The following ZBTB17 variants were observed in gnomAD, a reference collection of about 807,000 sequenced individuals.
ZBTB17 encodes zinc finger and BTB domain containing 17.
In ZBTB17, 24 loss-of-function variants were observed where a neutral mutation model predicts 85.1. The observed-to-expected ratio is 0.28, with a 90% CI of 0.20 to 0.40. The LOEUF is 0.40. ZBTB17 is among the 10% of genes least tolerant of loss of function. ZBTB17 has a pLI of 1.00. For missense variants in ZBTB17, 743 were observed against 1,105.1 expected, an observed-to-expected ratio of 0.67 and a Z score of 4.65; for synonymous variants, 464 against 460.2, an observed-to-expected ratio of 1.01 and a Z score of -0.11.
At chr1:15,954,666 T>C (rs985362544) in intron 2 of ZBTB17, among the ~76,000 whole-genome samples, 1 of 151,190 alleles carries the variant, frequency 6.6e-6, no homozygotes, top group African/African-American at 2.4e-5. Context: ...CTAGGCAACA[T>C]GGTGAAACCC....
rs750361853 is a variant in ZBTB17, at chr1:15,964,577, C to CGTG, written c.-3+8459_-3+8461dup. On this transcript the variant is annotated intron_variant, in intron 2 of 15. Transcript: ENST00000375743. This position sits in a 1 kb window ranked among gnomAD's most constrained non-coding sequence, Gnocchi z 4.3. Reference sequence around the variant, plus strand: ...TACAAAAAAGACAAAAATAGCTGAGCGTGGTGGCGTGTGCCTCTAGTCTCA... The same window carrying CGTG: ...TACAAAAAAGACAAAAATAGCTGAGCGTGGTGGTGGCGTGTGCCTCTAGTCTCA... 2.7e-4 allele frequency among the ~76,000 whole-genome samples: 41 copies of CGTG among 151,912 alleles called. No individual in the cohort carries two copies. The highest frequency in any genetic ancestry group is 1.8e-3 in the Admixed American group (28 of 15,242).
At chr1:15,968,923 G>A (rs1455116510) in intron 2 of ZBTB17, among the ~76,000 whole-genome samples, 3 of 152,342 alleles carry the variant, frequency 2.0e-5, no homozygotes, top group African/African-American at 7.2e-5. Flanking sequence ...CACTATACCA[G>A]GGGTTCCCAA....
At chr1:15,954,666 T>A (rs985362544) in intron 2 of ZBTB17, among the ~76,000 whole-genome samples, 2 of 151,190 alleles carry the variant, frequency 1.3e-5, no homozygotes, top group Admixed American at 6.6e-5. Context: ...CTAGGCAACA[T>A]GGTGAAACCC....
chr1:15,975,179 TTAA>T, intron 1 of ZBTB17, among the ~76,000 whole-genome samples: 1 of 152,350 alleles, frequency 6.6e-6, no homozygotes, highest in Non-Finnish European at 1.5e-5. Context: ...GGTGATACAA[TTAA>T]TAACAGCAAC....
At chr1:15,944,060 G>T (rs1316273572) in intron 9 of ZBTB17, 165 bp from the exon 10 acceptor site, 3 of 967,108 alleles carry the variant, frequency 3.1e-6, no homozygotes, top group Admixed American at 2.0e-5. Flanking sequence ...GCGGTGAGAG[G>T]TAAGCCGCCC....
At chr1:15,958,012 G>C (rs1424511517) in intron 2 of ZBTB17, among the ~76,000 whole-genome samples, 1 of 152,132 alleles carries the variant, frequency 6.6e-6, no homozygotes, top group Non-Finnish European at 1.5e-5. Flanking sequence ...AGCAGGTATT[G>C]GATAAACAAG....
rs566021906 is a variant in ZBTB17 at position 15,943,299 on chromosome 1, G to C, written c.1697+100C>G. 5.3e-5 allele frequency: 85 copies of C among 1,595,684 alleles called. 1 individual carries two copies. In the East Asian group the frequency reaches 7.4e-4, roughly 14 times the overall value. On this transcript the variant is annotated intron_variant, in intron 12 of 15. Coordinates refer to ENST00000375743, the MANE Select transcript of ZBTB17 (RefSeq NM_003443.3). ...CCCTAGGACCAGAGCCTGGGGCGTG[G>C]GCAGCAGTCAGCTCAGTCCCCAGCC...
At chr1:15,969,609 G>T (rs535293102) in intron 2 of ZBTB17, 17 of 416,818 alleles carry the variant, frequency 4.1e-5, no homozygotes, top group Admixed American at 1.3e-4. Flanking sequence ...CTCGGAGGGT[G>T]GGGGGAGCAG....
At chr1:15,965,209 C>T (rs189350241) in intron 2 of ZBTB17, among the ~76,000 whole-genome samples, 123 of 150,258 alleles carry the variant, frequency 8.2e-4, no homozygotes, top group Middle Eastern at 3.4e-3. Flanking sequence ...GTAGTTATAA[C>T]ACATATAACT....
chr1:15,975,040 C>T (rs1391960359), intron 1 of ZBTB17, among the ~76,000 whole-genome samples: 2 of 152,216 alleles, frequency 1.3e-5, no homozygotes, highest in African/African-American at 4.8e-5. Flanking sequence ...CGGGATTCCC[C>T]CTAGGCTGAG....
Position 15,944,732 on chromosome 1 carries a change from G to T in ZBTB17, c.1035C>A (p.Asp345Glu). ...SCRECSKAFS[D>E]PAACKAHEKT... is the part of the protein sequence containing the mutation. ...TCTCATGGGCCTTGCACGCGGCCGG[G>T]TCGGAAAAGGCCTTGCTGCACTCCC... The change falls in exon 8 of 16, where the codon GAC (aspartate) becomes GAA (glutamate). Residue 345 changes from aspartate (D) to glutamate (E), a missense_variant. Asp to Glu is a conservative substitution (Grantham distance 45). Coordinates refer to ENST00000375743, the MANE Select transcript of ZBTB17 (RefSeq NM_003443.3). 1 of 1,611,722 alleles carries T rather than the reference G, an allele frequency of 6.2e-7. No individual in the cohort carries two copies.
intron 2 of ZBTB17, among the ~76,000 whole-genome samples, chr1:15,967,895 T>G (rs2072500456): frequency 6.6e-6 from 1 of 152,368 alleles, no homozygotes; most frequent in East Asian, 1.9e-4. Context: ...TACGCCTGGC[T>G]TAGGAGTTTG....
At chr1:15,972,218 G>GC (rs1239360140) in intron 2 of ZBTB17, among the ~76,000 whole-genome samples, 1 of 152,178 alleles carries the variant, frequency 6.6e-6, no homozygotes, top group Non-Finnish European at 1.5e-5. Context: ...AGCATCCCTA[G>GC]CACCCAGCAC....
In ZBTB17 at chr1:15,951,216, A is replaced by G. The variant is rs933501862; in HGVS notation, c.-2-2719T>C. Among the ~76,000 whole-genome samples the G allele has an allele frequency of 5.3e-5, 8 of 152,238 alleles. No homozygotes were observed. Among genetic ancestry groups the G allele is most frequent in the South Asian group, 2.1e-4 (1 of 4,818 alleles). ...TGAGGCTGCCCCAGCAGAGAAACGC[A>G]CCAAAAGGGAAGAAAACAGGAGAAA... On this transcript the variant is annotated intron_variant, in intron 2 of 15. Coordinates refer to ENST00000375743, the MANE Select transcript of ZBTB17 (RefSeq NM_003443.3). The surrounding 1 kb of genome is among the most constrained non-coding windows in gnomAD (Gnocchi z 4.1).
chr1:15,944,931 C>T lies in ZBTB17; in HGVS notation c.927+6G>A, dbSNP rs548347296. ...GGCTGGGAGGGCTGGCCATAGTCTC[C>T]CTCACCTCGCACTTGTGGATGACGG... On this transcript the variant is annotated splice_donor_region_variant and intron_variant, in intron 7 of 15. Coordinates refer to ENST00000375743, the MANE Select transcript of ZBTB17 (RefSeq NM_003443.3). The T allele has an allele frequency of 3.8e-6, 6 of 1,571,170 alleles. No individual in the cohort carries two copies. The highest frequency in any genetic ancestry group is 5.2e-6 in the Non-Finnish European group (6 of 1,160,426).
At chr1:15,942,800 C>T (rs2071418819) in intron 13 of ZBTB17, 62 bp from the exon 14 acceptor site, 3 of 1,572,200 alleles carry the variant, frequency 1.9e-6, no homozygotes, top group African/African-American at 2.7e-5. Context: ...GGGTGGGAGG[C>T]CCTCAATGAC....
intron 2 of ZBTB17, among the ~76,000 whole-genome samples, chr1:15,967,061 G>T (rs1276325475): frequency 6.6e-6 from 1 of 151,902 alleles, no homozygotes; most frequent in Non-Finnish European, 1.5e-5. Context: ...CCTCCCTACT[G>T]TGATGTCAAA....
rs1251009870 is a variant in ZBTB17 at position 15,944,561 on chromosome 1, G to T, written c.1110C>A (p.Ser370Arg). ...GGTTCAGCAGGCTGATGAGGCGGTA[G>T]CTCTTCCCGCACTCCTCGCAGCCGT... ...KPYGCEECGKSYRLISLLNLH... is the reference protein window; with the variant it reads ...KPYGCEECGKRYRLISLLNLH... The change falls in exon 9 of 16, where the codon AGC (serine) becomes AGA (arginine). Residue 370 changes from serine to arginine, a missense_variant. Physicochemically the swap from Ser to Arg is moderately radical, Grantham distance 110 (BLOSUM62 -1). Coordinates refer to ENST00000375743, the MANE Select transcript of ZBTB17 (RefSeq NM_003443.3). The T allele has an allele frequency of 5.0e-6, 8 of 1,597,502 alleles. No individual in the cohort carries two copies. Among genetic ancestry groups the T allele is most frequent in the African/African-American group, 1.3e-5 (1 of 74,898 alleles).
chr1:15,943,155 G>C lies in ZBTB17; in HGVS notation c.1737C>G (p.His579Gln). 6.2e-7 allele frequency: 1 copy of C among 1,614,178 alleles called. No individual in the cohort carries two copies. The change falls in exon 13 of 16, where the codon CAC becomes CAG. Residue 579 changes from histidine to glutamine, a missense_variant. By Grantham distance (24) the His-to-Gln change is conservative. Transcript: ENST00000375743. Reference protein sequence around the residue: ...QSSQLANHIRHHDNIRPHKCS... With the variant: ...QSSQLANHIRQHDNIRPHKCS... Reference sequence around the variant, plus strand: ...ACTTGTGTGGGCGGATGTTGTCGTGGTGGCGAATATGATTGGCCAACTGGC... The same window carrying C: ...ACTTGTGTGGGCGGATGTTGTCGTGCTGGCGAATATGATTGGCCAACTGGC...
Sources: gnomAD v4.1 joint callset for allele counts (sites outside exome capture counted in the v4.1 genomes callset) on GRCh38, gnomAD v4.1.1 for gene constraint, Gnocchi (gnomAD v3.1) non-coding constraint, MANE v1.5 for transcripts, NCBI Gene and HGNC (gene_info 2026-07-23, HGNC 2026-07-21) for gene names.